The following SPOCK1 variants were observed in gnomAD, a reference collection of about 807,000 sequenced individuals.
The protein encoded by SPOCK1 is testican-1.
In SPOCK1, 23 loss-of-function variants were observed where a neutral mutation model predicts 55.3. The ratio of observed to expected loss-of-function variants is 0.42; its 90% CI spans 0.30 to 0.59. The LOEUF (loss-of-function observed/expected upper bound fraction) is 0.59. Ranked by LOEUF, SPOCK1 falls within the 20% of genes least tolerant of loss-of-function variation. SPOCK1 has a pLI of 0.22. For synonymous variants in SPOCK1, 226 were observed against 221.0 expected (o/e 1.02, Z -0.20); for missense variants, 499 against 552.5 (o/e 0.90, Z 0.97).
At position 137,075,754 on chromosome 5, in the gene SPOCK1, G is replaced by A. The variant is rs1752745409; in HGVS notation, c.475-7925C>T. ...AGAGTGGCCGGCACCGTGGAGAGGA[G>A]TGCAGCCCTGACCTGCACGTGCAGG... On this transcript the variant is annotated intron_variant, in intron 5 of 10. Coordinates refer to ENST00000394945, the MANE Select transcript of SPOCK1 (RefSeq NM_004598.4). Among the ~76,000 whole-genome samples, 3 of 152,086 alleles carry A rather than the reference G, an allele frequency of 2.0e-5. No homozygotes were observed. In the South Asian group the frequency reaches 6.2e-4, roughly 32 times the overall value.
At chr5:137,186,886 A>G (rs1755079888) in intron 3 of SPOCK1, among the ~76,000 whole-genome samples, 2 of 152,170 alleles carry the variant, frequency 1.3e-5, no homozygotes, top group African/African-American at 4.8e-5. Flanking sequence ...CCAGGCCATT[A>G]ACTCCAAAGG....
At chr5:137,213,582 G>A (rs1330639981) in intron 3 of SPOCK1, among the ~76,000 whole-genome samples, 1 of 152,192 alleles carries the variant, frequency 6.6e-6, no homozygotes, top group East Asian at 1.9e-4. Context: ...ACGCTCGCAA[G>A]AGCACTAGAT....
At chr5:137,360,709 A>T (rs572767330) in intron 2 of SPOCK1, among the ~76,000 whole-genome samples, 132 of 152,104 alleles carry the variant, frequency 8.7e-4, no homozygotes, top group Admixed American at 1.6e-3. Flanking sequence ...CTTCCATCTC[A>T]TTTAGGTGCA....
chr5:137,030,918 G>A (rs968652579), intron 6 of SPOCK1, among the ~76,000 whole-genome samples: 2 of 152,158 alleles, frequency 1.3e-5, no homozygotes, highest in Non-Finnish European at 2.9e-5. Flanking sequence ...TTCGAGGGGA[G>A]TTTGTGATAT....
At chr5:137,112,746 C>T (rs889989553) in intron 4 of SPOCK1, among the ~76,000 whole-genome samples, 185 bp from the exon 5 acceptor site, 9 of 151,848 alleles carry the variant, frequency 5.9e-5, no homozygotes, top group Non-Finnish European at 1.2e-4. Context: ...GGATTTTGTC[C>T]CAGAAGCATA....
At chr5:137,384,746 C>T (rs1031383661) in intron 2 of SPOCK1, among the ~76,000 whole-genome samples, 1 of 152,112 alleles carries the variant, frequency 6.6e-6, no homozygotes, top group Non-Finnish European at 1.5e-5. Context: ...TCCAACTGCA[C>T]ATGGCCTTCC....
chr5:137,011,601 T>A (rs1751349989), intron 6 of SPOCK1, among the ~76,000 whole-genome samples: 1 of 152,172 alleles, frequency 6.6e-6, no homozygotes, highest in South Asian at 2.1e-4. Flanking sequence ...TACATACCTT[T>A]TCCATTCTCC....
chr5:137,344,351 C>T (rs140612299), intron 2 of SPOCK1, among the ~76,000 whole-genome samples: 2 of 152,176 alleles, frequency 1.3e-5, no homozygotes, highest in South Asian at 2.1e-4. Context: ...CTTACAAGTC[C>T]GAAGTCATTT....
chr5:137,210,229 C>T (rs1755586622), intron 3 of SPOCK1, among the ~76,000 whole-genome samples: 2 of 152,164 alleles, frequency 1.3e-5, no homozygotes, highest in South Asian at 4.1e-4. Context: ...TGCACACCCT[C>T]CCTCTTCTAT....
intron 5 of SPOCK1, among the ~76,000 whole-genome samples, chr5:137,091,159 C>T (rs190702706): frequency 5.3e-5 from 8 of 152,308 alleles, no homozygotes; most frequent in Non-Finnish European, 7.3e-5. Flanking sequence ...AGCATGGGGA[C>T]TCTGCTTTCA....
chr5:137,112,344 C>A, intron 5 of SPOCK1, 91 bp downstream of exon 5: 1 of 1,514,332 alleles, frequency 6.6e-7, no homozygotes, highest in Non-Finnish European at 8.9e-7. Context: ...GAGCCCACCA[C>A]GCTTCCCAAG....
chr5:137,388,375 C>T (rs1191102266), intron 2 of SPOCK1, among the ~76,000 whole-genome samples: 2 of 136,828 alleles, frequency 1.5e-5, no homozygotes, highest in Non-Finnish European at 3.1e-5. Flanking sequence ...TCTCTGATGG[C>T]ATCTCCAGGG....
intron 3 of SPOCK1, among the ~76,000 whole-genome samples, chr5:137,232,687 T>C (rs1371197158): frequency 6.6e-6 from 1 of 152,224 alleles, no homozygotes; most frequent in African/African-American, 2.4e-5. Flanking sequence ...TCCATATAAA[T>C]TTTCAGAATA....
chr5:137,326,675 C>T (rs934182370), intron 2 of SPOCK1, among the ~76,000 whole-genome samples: 1 of 152,188 alleles, frequency 6.6e-6, no homozygotes. Context: ...TAATAAATCT[C>T]AAATTAGAAT....
intron 2 of SPOCK1, among the ~76,000 whole-genome samples, chr5:137,270,912 G>C (rs1561489657): frequency 6.6e-6 from 1 of 152,156 alleles, no homozygotes; most frequent in Non-Finnish European, 1.5e-5. Flanking sequence ...TGAGACAGGA[G>C]AGTCGCCTGA....
Position 137,288,771 on chromosome 5 carries a change from C to G in SPOCK1, c.187-21716G>C, listed in dbSNP as rs1757313014. ...GGCTCTCCTAACTGTACCAGGGGAA[C>G]AGGACACAATGCCATCTGGAATGAT... is the stretch of plus-strand genomic sequence containing the variant. On this transcript the variant is annotated intron_variant, in intron 2 of 10. Coordinates refer to ENST00000394945, the MANE Select transcript of SPOCK1 (RefSeq NM_004598.4). Among the ~76,000 whole-genome samples the G allele has an allele frequency of 2.0e-5, 3 of 152,190 alleles. No homozygotes were observed. The South Asian group carries it at 6.2e-4, about 31-fold the overall frequency.
intron 4 of SPOCK1, among the ~76,000 whole-genome samples, chr5:137,136,470 A>C (rs1753987432): frequency 6.6e-6 from 1 of 152,198 alleles, no homozygotes; most frequent in Non-Finnish European, 1.5e-5. Flanking sequence ...AGAGGATGTA[A>C]TAGAAATTTT....
chr5:137,468,757 T>C (rs1753672916), intron 2 of SPOCK1, among the ~76,000 whole-genome samples: 1 of 152,106 alleles, frequency 6.6e-6, no homozygotes. Context: ...ACTTCCAGGA[T>C]GGAATTCCCA....
chr5:137,238,557 C>G (rs1756227058), intron 3 of SPOCK1, among the ~76,000 whole-genome samples: 1 of 152,106 alleles, frequency 6.6e-6, no homozygotes, highest in Non-Finnish European at 1.5e-5. Flanking sequence ...TATGTCATGA[C>G]CAAATAGAGT....
Sources: gnomAD v4.1 joint callset for allele counts (sites outside exome capture counted in the v4.1 genomes callset) on GRCh38, gnomAD v4.1.1 for gene constraint, MANE v1.5 for transcripts, NCBI Gene and HGNC (gene_info 2026-07-23, HGNC 2026-07-21) for gene names.